The following KDM4C variants were observed in gnomAD, a reference collection of about 807,000 sequenced individuals.
KDM4C encodes lysine demethylase 4C, also known as lysine-specific demethylase 4C.
Under a neutral mutation model 129.3 loss-of-function variants are expected in KDM4C, and 81 were observed. The observed-to-expected ratio is 0.63, with a 90% CI of 0.52 to 0.75. KDM4C has a LOEUF of 0.75. Among genes scored for constraint, KDM4C ranks in the 30% least tolerant of loss-of-function variants. The pLI, the probability that KDM4C is intolerant of heterozygous loss-of-function variation, is 0.00. For missense variants in KDM4C, 1,457 were observed against 1,304.0 expected, an observed-to-expected ratio of 1.12 and a Z score of -1.81; for synonymous variants, 573 against 456.1, an observed-to-expected ratio of 1.26 and a Z score of -3.26.
Position 7,014,063 on chromosome 9 carries a change from T to C in KDM4C, c.2182+62T>C, listed in dbSNP as rs151094681. On this transcript the variant is annotated intron_variant, in intron 14 of 21. Coordinates refer to ENST00000381309, the MANE Select transcript of KDM4C (RefSeq NM_015061.6). ...CAGCATTTCACATCATCTTTATTTC[T>C]CACTTTTTTGGAACCTGTCAGATCT... The C allele has an allele frequency of 2.5e-5, 36 of 1,429,500 alleles. No homozygotes were observed. The African/African-American group carries it at 4.5e-4, about 18-fold the overall frequency. The allele number at this position is 1,429,500 out of a possible 1,614,324, so 88.6% of individuals were successfully genotyped here. A position where few individuals can be genotyped will look rare whatever the true frequency, so the allele number is the denominator to read the frequency against.
chr9:7,027,930 A>G (rs1826065051), intron 15 of KDM4C, among the ~76,000 whole-genome samples: 1 of 152,182 alleles, frequency 6.6e-6, no homozygotes. Flanking sequence ...TTAAGGCCCT[A>G]GGGCTCTTAA....
intron 6 of KDM4C, among the ~76,000 whole-genome samples, chr9:6,887,100 C>T (rs1588936532): frequency 1.3e-5 from 2 of 152,192 alleles, no homozygotes; most frequent in African/African-American, 4.8e-5. Context: ...TGTGTTCTCC[C>T]TCCATGATTC....
intron 8 of KDM4C, among the ~76,000 whole-genome samples, chr9:6,957,211 C>G (rs1829220341): frequency 6.6e-6 from 1 of 152,204 alleles, no homozygotes; most frequent in Non-Finnish European, 1.5e-5. Context: ...TGGCACACAG[C>G]TGCTTAGGAA....
chr9:6,990,577 C>G, intron 12 of KDM4C, 53 bp downstream of exon 12: 2 of 1,180,022 alleles, frequency 1.7e-6, no homozygotes, highest in East Asian at 5.1e-5. Flanking sequence ...GTGTGTAAAA[C>G]AAACTATTGT....
chr9:7,098,271 C>T (rs1283354316), intron 17 of KDM4C, among the ~76,000 whole-genome samples: 2 of 152,176 alleles, frequency 1.3e-5, no homozygotes, highest in African/African-American at 4.8e-5. Context: ...GTCTCTTGAC[C>T]TAGCTGAGCT....
intron 8 of KDM4C, among the ~76,000 whole-genome samples, chr9:6,894,292 G>A (rs1846517128): frequency 6.6e-6 from 1 of 152,202 alleles, no homozygotes; most frequent in African/African-American, 2.4e-5. Context: ...GAAAGCCCCT[G>A]GTATTAGAAG....
At chr9:6,727,132 C>G (rs938469337) in intron 1 of KDM4C, 15 of 152,198 alleles carry the variant, frequency 9.9e-5, no homozygotes, top group Admixed American at 8.5e-4. Flanking sequence ...GGCAGTGGCT[C>G]ACGCCTGTCC....
At chr9:6,993,497 G>GAA (rs1251529473) in intron 12 of KDM4C, among the ~76,000 whole-genome samples, 6 of 152,138 alleles carry the variant, frequency 3.9e-5, no homozygotes, top group Admixed American at 3.9e-4. Context: ...AAGCTGTTTG[G>GAA]ATTGTTTTAT....
At chr9:6,983,573 G>GACAC (rs56086219) in intron 9 of KDM4C, among the ~76,000 whole-genome samples, 2,083 of 142,686 alleles carry the variant, frequency 0.015, 44 homozygotes, top group African/African-American at 0.036. Flanking sequence ...GTGTCTTTAT[G>GACAC]ACACACACAC....
chr9:7,064,151 T>G (rs1832090043), intron 17 of KDM4C, among the ~76,000 whole-genome samples: 1 of 152,188 alleles, frequency 6.6e-6, no homozygotes, highest in Admixed American at 6.5e-5. Context: ...AGGCCTACCT[T>G]TCACATGTAA....
rs1820156681 is a variant in KDM4C at position 6,998,421 on chromosome 9, G to A, written c.1786+7897G>A. Among the ~76,000 whole-genome samples, 5 of 152,192 alleles carry A rather than the reference G, an allele frequency of 3.3e-5. 1 individual carries two copies. On this transcript the variant is annotated intron_variant, in intron 12 of 21. Transcript: ENST00000381309. The stretch of plus-strand genomic sequence containing the variant: ...TACATTTATTCACTTTTAAGTAAGT[G>A]AAATCTCAGGAAGTCCCGTTTGACT...
At chr9:6,927,995 G>T (rs886993191) in intron 8 of KDM4C, among the ~76,000 whole-genome samples, 1 of 151,952 alleles carries the variant, frequency 6.6e-6, no homozygotes. Flanking sequence ...TCTTATCTTG[G>T]CTCCCACACC....
At chr9:7,070,938 T>C (rs1042665896) in intron 17 of KDM4C, among the ~76,000 whole-genome samples, 8 of 152,132 alleles carry the variant, frequency 5.3e-5, no homozygotes, top group African/African-American at 1.9e-4. Flanking sequence ...CCCAAAGGTT[T>C]ACAAAAAAAG....
chr9:6,818,136 G>A (rs1588480178), intron 4 of KDM4C, among the ~76,000 whole-genome samples: 1 of 152,182 alleles, frequency 6.6e-6, no homozygotes, highest in Non-Finnish European at 1.5e-5. Flanking sequence ...ATGCATGCCT[G>A]TGATTGCATG....
intron 3 of KDM4C, among the ~76,000 whole-genome samples, chr9:6,810,492 A>T (rs1005933744): frequency 6.6e-6 from 1 of 152,316 alleles, no homozygotes; most frequent in East Asian, 1.9e-4. Flanking sequence ...GGTTTAAAAA[A>T]TTTTTGGTTT....
intron 17 of KDM4C, among the ~76,000 whole-genome samples, chr9:7,089,526 G>T (rs1167817429): frequency 1.3e-5 from 2 of 152,198 alleles, no homozygotes; most frequent in Non-Finnish European, 2.9e-5. Context: ...TTTGGGGGAA[G>T]TCATAACTTC....
chr9:7,003,991 A>G (rs1176413878), intron 12 of KDM4C, among the ~76,000 whole-genome samples: 5 of 152,168 alleles, frequency 3.3e-5, no homozygotes, highest in Non-Finnish European at 7.3e-5. Flanking sequence ...AAGTACCTGA[A>G]ACGTAACAGA....
intron 17 of KDM4C, chr9:7,076,959 A>G (rs1192282025): frequency 1.0e-6 from 1 of 985,876 alleles, no homozygotes; most frequent in Non-Finnish European, 1.2e-6. Context: ...ACAGCACATC[A>G]CAGGCCCAGA....
chr9:6,962,419 A>G (rs1342641266), intron 8 of KDM4C, among the ~76,000 whole-genome samples: 1 of 152,314 alleles, frequency 6.6e-6, no homozygotes, highest in East Asian at 1.9e-4. Context: ...AGTTAAGGAT[A>G]ATTGCAATTT....
Sources: allele counts gnomAD v4.1 joint callset (sites outside exome capture counted in the v4.1 genomes callset), GRCh38; gene constraint gnomAD v4.1.1; transcripts MANE v1.5; gene names NCBI Gene and HGNC (gene_info 2026-07-23, HGNC 2026-07-21).